ANO4: variants seen among roughly 807,000 people sequenced by gnomAD.
ANO4 encodes the protein anoctamin 4, also known as anoctamin-4.
In ANO4, 69 loss-of-function variants were observed where a neutral mutation model predicts 141.9. The observed-to-expected ratio is 0.49, with a 90% confidence interval of 0.40 to 0.59. ANO4 has a LOEUF of 0.59. ANO4 is among the 20% of genes least tolerant of loss of function. The pLI is 0.00. For synonymous variants in ANO4, 350 were observed against 394.3 expected, an observed-to-expected ratio of 0.89 and a Z score of 1.33; for missense variants, 894 against 1,162.2, an observed-to-expected ratio of 0.77 and a Z score of 3.36.
intron 7 of ANO4, among the ~76,000 whole-genome samples, chr12:100,975,090 T>C (rs2044104466): frequency 6.6e-6 from 1 of 152,088 alleles, no homozygotes; most frequent in Non-Finnish European, 1.5e-5. Context: ...GTCTTCCCAG[T>C]AACTTCTTCC....
chr12:100,939,454 A>G lies in ANO4; in HGVS notation c.297+3A>G. The G allele has an allele frequency of 6.2e-7, 1 of 1,612,988 alleles. No individual in the cohort carries two copies. The highest frequency in any genetic ancestry group is 8.5e-7 in the Non-Finnish European group (1 of 1,179,308). On this transcript the variant is annotated splice_donor_region_variant and intron_variant, in intron 4 of 27. Coordinates refer to ENST00000392977, the MANE Select transcript of ANO4 (RefSeq NM_001286615.2). ...GCAGATTGGAAGCCGGGGGAGAGGT[A>G]AGAGTATATGATTTCTTACAAATGT...
chr12:101,022,133 T>G (rs2046560069), intron 9 of ANO4, among the ~76,000 whole-genome samples: 1 of 152,068 alleles, frequency 6.6e-6, no homozygotes, highest in South Asian at 2.1e-4. Context: ...AGTCCAGATC[T>G]GATTACAACT....
chr12:101,013,906 A>G (rs1246089203), intron 8 of ANO4, among the ~76,000 whole-genome samples: 1 of 152,156 alleles, frequency 6.6e-6, no homozygotes, highest in African/African-American at 2.4e-5. Flanking sequence ...AAAGTTTAGG[A>G]AAAAAAGAAA....
chr12:100,766,960 A>T (rs2033113706), intron 3 of ANO4, among the ~76,000 whole-genome samples: 1 of 152,136 alleles, frequency 6.6e-6, no homozygotes, highest in South Asian at 2.1e-4. Flanking sequence ...ATCATCATAT[A>T]ATCATCTTAT....
chr12:100,979,749 A>G (rs1282461159), intron 7 of ANO4, among the ~76,000 whole-genome samples: 1 of 150,970 alleles, frequency 6.6e-6, no homozygotes, highest in Non-Finnish European at 1.5e-5. Context: ...TTTTTTTGAG[A>G]TGGAGTCTCA....
intron 8 of ANO4, among the ~76,000 whole-genome samples, chr12:101,016,293 G>A (rs566841850): frequency 6.6e-6 from 1 of 152,246 alleles, no homozygotes; most frequent in African/African-American, 2.4e-5. Flanking sequence ...GGAAGGTGAA[G>A]AGAGAGCAAG....
chr12:100,857,018 A>G (rs1864418403), intron 1 of ANO4, among the ~76,000 whole-genome samples: 1 of 152,128 alleles, frequency 6.6e-6, no homozygotes, highest in Admixed American at 6.6e-5. Context: ...TGAGTTTATC[A>G]AGATTTAAGA....
intron 23 of ANO4, 33 bp downstream of exon 23, chr12:101,110,589 A>G: frequency 6.6e-7 from 1 of 1,504,308 alleles, no homozygotes; most frequent in African/African-American, 1.4e-5. Flanking sequence ...TTTAAAAAAC[A>G]TATTAAACAT....
rs192182349 is a variant in ANO4, at chr12:100,858,582, T to A, written c.-140-43064T>A. Among the ~76,000 whole-genome samples the A allele has an allele frequency of 2.8e-4, 43 of 152,292 alleles. 2 individuals are homozygous for A. The highest frequency in any genetic ancestry group is 1.1e-3 in the Admixed American group (17 of 15,288). ...AAAATCCTTCTTGATTTCTTTTGCT[T>A]TTTAAAGATATTTTGATGTAAAAGA... is the stretch of plus-strand genomic sequence containing the variant. On this transcript the variant is annotated intron_variant, in intron 1 of 27. Coordinates refer to ENST00000392977, the MANE Select transcript of ANO4 (RefSeq NM_001286615.2).
intron 2 of ANO4, among the ~76,000 whole-genome samples, chr12:100,908,443 T>C (rs1474105343): frequency 9.9e-5 from 15 of 152,208 alleles, no homozygotes; most frequent in Admixed American, 9.8e-4. Context: ...TGTCGAGTAT[T>C]GGTTGAAAAT....
intron 13 of ANO4, 191 bp from the exon 14 acceptor site, chr12:101,048,150 A>AAT (rs2047706262): frequency 6.8e-6 from 7 of 1,027,056 alleles, no homozygotes; most frequent in Non-Finnish European, 9.5e-6. Context: ...TGTATCCTCT[A>AAT]TATATGAACT....
chr12:101,105,191 A>G (rs2050392574), intron 22 of ANO4, among the ~76,000 whole-genome samples: 1 of 152,170 alleles, frequency 6.6e-6, no homozygotes, highest in East Asian at 1.9e-4. Flanking sequence ...AGGTGGAGTA[A>G]GCTTTACAAA....
chr12:100,866,086 C>T (rs1421955912), intron 1 of ANO4, among the ~76,000 whole-genome samples: 14 of 152,092 alleles, frequency 9.2e-5, no homozygotes, highest in Admixed American at 9.2e-4. Context: ...GAGTGGAGGG[C>T]AGGGTTGACA....
intron 8 of ANO4, among the ~76,000 whole-genome samples, chr12:101,018,648 T>C (rs1288982308): frequency 6.6e-6 from 1 of 152,156 alleles, no homozygotes; most frequent in Non-Finnish European, 1.5e-5. Flanking sequence ...ATTTAGCAAA[T>C]TCCACATCAT....
intron 3 of ANO4, among the ~76,000 whole-genome samples, chr12:100,754,362 G>A (rs1185088488): frequency 1.5e-5 from 2 of 132,996 alleles, no homozygotes; most frequent in African/African-American, 5.5e-5. Flanking sequence ...TCTTGCCGGG[G>A]CAGGGGTAGT....
rs11110544 is a variant in ANO4, at chr12:100,832,961, G to A, written c.-141+37934G>A. Among the ~76,000 whole-genome samples, 677 of 152,270 alleles carry A rather than the reference G, an allele frequency of 4.4e-3. 7 individuals carry two copies. Among genetic ancestry groups the A allele is most frequent in the African/African-American group, 0.016 (646 of 41,556 alleles). On this transcript the variant is annotated intron_variant, in intron 1 of 27. Coordinates refer to ENST00000392977, the MANE Select transcript of ANO4 (RefSeq NM_001286615.2). ...TCAGTTAATATTTCAACTCTTGTGT[G>A]AGGAATTGGTTTTTATGCTTTCTAG...
chr12:100,842,999 T>C (rs1352299016), intron 1 of ANO4, among the ~76,000 whole-genome samples: 2 of 152,146 alleles, frequency 1.3e-5, no homozygotes, highest in Non-Finnish European at 2.9e-5. Context: ...ATTTATTTCC[T>C]CCAAAATTTC....
intron 3 of ANO4, among the ~76,000 whole-genome samples, chr12:100,785,310 T>C (rs930312961): frequency 6.6e-6 from 1 of 152,178 alleles, no homozygotes; most frequent in African/African-American, 2.4e-5. Flanking sequence ...TCTATGGGTT[T>C]GGACAAATTT....
At chr12:100,787,350 C>G (rs1329555275) in intron 3 of ANO4, among the ~76,000 whole-genome samples, 1 of 151,976 alleles carries the variant, frequency 6.6e-6, no homozygotes, top group African/African-American at 2.4e-5. Context: ...GTGCCAGGAC[C>G]CTGAAGTTTT....
Sources: allele counts gnomAD v4.1 joint callset (sites outside exome capture counted in the v4.1 genomes callset), GRCh38; gene constraint gnomAD v4.1.1; transcripts MANE v1.5; gene names NCBI Gene and HGNC (gene_info 2026-07-23, HGNC 2026-07-21).